DOK4: variants seen among roughly 807,000 people sequenced by gnomAD.
The protein encoded by DOK4 is downstream of tyrosine kinase 4.
A neutral mutation model predicts 40.1 loss-of-function variants in DOK4; 26 were observed. The ratio of observed to expected loss-of-function variants is 0.65; its 90% CI spans 0.48 to 0.90. The LOEUF (loss-of-function observed/expected upper bound fraction) is 0.90, where lower values mean the gene tolerates loss of function less well. DOK4 is among the 40% of genes least tolerant of loss of function. The probability of loss-of-function intolerance (pLI) is 0.00; values close to 1 mark genes in which losing one functional copy is unlikely to be tolerated. For synonymous variants in DOK4, 179 were observed against 177.0 expected (o/e 1.01, Z -0.09); for missense variants, 392 against 437.2 (o/e 0.90, Z 0.92).
exon 9 of DOK4, chr16:57,472,550 G>C (rs1179506604): frequency 6.6e-6 from 1 of 152,638 alleles, no homozygotes; most frequent in Non-Finnish European, 1.5e-5. Context: ...GTCAGTGAGA[G>C]GGGGGCAGCA....
chr16:57,480,911 G>A (rs1267487444), intron 1 of DOK4, among the ~76,000 whole-genome samples: 1 of 152,182 alleles, frequency 6.6e-6, no homozygotes, highest in African/African-American at 2.4e-5. Context: ...AAGGTCCAGG[G>A]TGGTGATGGA....
exon 9 of DOK4, chr16:57,473,206 T>C: frequency 1.0e-6 from 1 of 961,350 alleles, no homozygotes; most frequent in Non-Finnish European, 1.5e-6. Flanking sequence ...TCAGGTGGTG[T>C]GGCCAGCCCT....
intron 1 of DOK4, among the ~76,000 whole-genome samples, chr16:57,481,253 C>A (rs147701389): frequency 2.0e-5 from 3 of 152,142 alleles, no homozygotes; most frequent in African/African-American, 7.2e-5. Context: ...AGTGGGCACA[C>A]GCAAACAAGG....
intron 2 of DOK4, among the ~76,000 whole-genome samples, chr16:57,478,181 C>T (rs2031266809): frequency 6.6e-6 from 1 of 152,228 alleles, no homozygotes; most frequent in African/African-American, 2.4e-5. Flanking sequence ...GCTGATCCCC[C>T]TTTCAGAGGA....
rs753524419 is a variant in DOK4 at position 57,475,131 on chromosome 16, G to A, written c.378C>T (p.Leu126=). ...GTTCACACTGCACCCCTGGGGCCAG[G>A]AGGTCAGGTTCTCCCAGACTGATGT... Residue 126 remains leucine, a synonymous_variant, in exon 5 of 9, where the codon CTC becomes CTT. Transcript: ENST00000340099. 10 of 1,613,872 alleles carry A rather than the reference G, an allele frequency of 6.2e-6. No homozygotes were observed. In the African/African-American group the frequency reaches 1.1e-4, roughly 17 times the overall value.
chr16:57,473,346 C>T (rs1163745765), exon 9 of DOK4: 2 of 1,599,140 alleles, frequency 1.3e-6, no homozygotes, highest in Non-Finnish European at 1.7e-6. Flanking sequence ...AGGCAGCCCC[C>T]AGCAGTCATC....
At chr16:57,482,358 C>CTTTT (rs1437029605) in intron 1 of DOK4, among the ~76,000 whole-genome samples, 7 of 111,834 alleles carry the variant, frequency 6.3e-5, no homozygotes, top group Middle Eastern at 4.9e-3. Flanking sequence ...AGAGATGGGG[C>CTTTT]TTTTGTTTTT....
chr16:57,479,681 C>T lies in DOK4; in HGVS notation c.-174G>A, dbSNP rs545511627. 3.0e-5 allele frequency: 17 copies of T among 567,904 alleles called. No homozygotes were observed. Among genetic ancestry groups the T allele is most frequent in the South Asian group, 2.5e-4 (11 of 43,410 alleles). 35.2% of individuals were successfully genotyped at this position (567,904 alleles called of 1,614,324 possible). On this transcript the variant is annotated 5_prime_UTR_variant, in exon 2 of 9. Coordinates refer to ENST00000340099, the Ensembl canonical transcript of DOK4. The surrounding 1 kb of genome is among the most constrained non-coding windows in gnomAD (Gnocchi z 5.8). The stretch of plus-strand genomic sequence containing the variant: ...CATTGTTCTAGCAGCTCCTTCGCCC[C>T]GCGCCTGCTGGAAATAAAAATGACA...
chr16:57,473,242 G>A, exon 9 of DOK4: 3 of 1,346,136 alleles, frequency 2.2e-6, no homozygotes, highest in Middle Eastern at 2.7e-4. Flanking sequence ...CTCATCCTTG[G>A]GGGCAAGGAG....
intron 4 of DOK4, 132 bp from the exon 5 acceptor site, chr16:57,475,351 A>G (rs2031100455): frequency 6.8e-7 from 1 of 1,476,332 alleles, no homozygotes; most frequent in African/African-American, 1.4e-5. Context: ...TCTTGCCTCA[A>G]CCCTGAGGGC....
At chr16:57,480,846 A>G (rs981060265) in intron 1 of DOK4, among the ~76,000 whole-genome samples, 2 of 152,212 alleles carry the variant, frequency 1.3e-5, no homozygotes, top group Non-Finnish European at 2.9e-5. Context: ...AGAGAGGGTA[A>G]GCTACATGAC....
In DOK4 at chr16:57,479,623, G is replaced by T. The variant is rs576430247; in HGVS notation, c.-116C>A. The stretch of plus-strand genomic sequence containing the variant: ...TTCCAGACACTCTGTCGGGGCTGCC[G>T]CGAGGGGCTGCTCCTCACCTCACCC... On this transcript the variant is annotated 5_prime_UTR_variant, in exon 2 of 9. Transcript: ENST00000340099. The surrounding 1 kb of genome is among the most constrained non-coding windows in gnomAD (Gnocchi z 5.8). The T allele has an allele frequency of 2.7e-4, 289 of 1,082,398 alleles. 1 individual carries two copies. In the Admixed American group the frequency reaches 4.9e-3, roughly 18 times the overall value. 67.0% of individuals were successfully genotyped at this position (1,082,398 alleles called of 1,614,324 possible).
chr16:57,474,476 G>A lies in DOK4; in HGVS notation c.599+317C>T, dbSNP rs530745644. Among the ~76,000 whole-genome samples, 12 of 152,274 alleles carry A rather than the reference G, an allele frequency of 7.9e-5. No individual in the cohort carries two copies. The South Asian group carries it at 2.1e-3, about 26-fold the overall frequency. On this transcript the variant is annotated intron_variant, in intron 6 of 8. Coordinates refer to ENST00000340099, the Ensembl canonical transcript of DOK4. ...TCTTCACTATAATTCTAGGAGGTTA[G>A]GTACTTTATTATCCCCGAAACCCAG...
At chr16:57,481,101 G>A (rs2031394140) in intron 1 of DOK4, among the ~76,000 whole-genome samples, 2 of 152,092 alleles carry the variant, frequency 1.3e-5, no homozygotes, top group Admixed American at 6.5e-5. Flanking sequence ...TGTGCTGCCA[G>A]AACGGGGCCC....
chr16:57,473,819 C>T (rs1378174086), intron 7 of DOK4, 82 bp downstream of exon 7: 1 of 1,595,224 alleles, frequency 6.3e-7, no homozygotes, highest in Non-Finnish European at 8.5e-7. Flanking sequence ...CCTGCCTCCA[C>T]TGTGTACCCC....
exon 9 of DOK4, chr16:57,473,330 C>T (rs223876): frequency 1.2e-5 from 19 of 1,578,096 alleles, no homozygotes; most frequent in South Asian, 2.3e-5. Context: ...CAGCCAGCCC[C>T]GCAGCAGGCA....
rs1260156634 is a variant in DOK4, at chr16:57,479,055, A to T, written c.66+387T>A. On this transcript the variant is annotated intron_variant, in intron 2 of 8. Coordinates refer to ENST00000340099, the Ensembl canonical transcript of DOK4. The surrounding 1 kb of genome is among the most constrained non-coding windows in gnomAD (Gnocchi z 5.8). Reference sequence around the variant, plus strand: ...GGGGTGGGGGGCAAACGGAAGGGAGAGGAGGCCAGGGGAAGTGAGACGCTG... The same window carrying T: ...GGGGTGGGGGGCAAACGGAAGGGAGTGGAGGCCAGGGGAAGTGAGACGCTG... 6.6e-6 allele frequency among the ~76,000 whole-genome samples: 1 copy of T among 152,124 alleles called. No homozygotes were observed. Among genetic ancestry groups the T allele is most frequent in the Non-Finnish European group, 1.5e-5 (1 of 68,024 alleles).
intron 8 of DOK4, 49 bp downstream of exon 8, chr16:57,473,564 C>T: frequency 6.2e-7 from 1 of 1,614,268 alleles, no homozygotes; most frequent in Non-Finnish European, 8.5e-7. Context: ...AGGCCTCATC[C>T]TCCACAAAGC....
In DOK4 at chr16:57,485,328, A is replaced by C. The variant is rs1486573811; in HGVS notation, c.-182+977T>G. 1.6e-4 allele frequency among the ~76,000 whole-genome samples: 25 copies of C among 152,254 alleles called. No homozygotes were observed. The highest frequency in any genetic ancestry group is 5.5e-4 in the African/African-American group (23 of 41,562). The stretch of plus-strand genomic sequence containing the variant: ...GCCCTGCTGCCCTGCCCAGGAGGGA[A>C]GTGCTGGGAGTAACCAGTACCAGCA... On this transcript the variant is annotated intron_variant, in intron 1 of 8. Transcript: ENST00000340099. The surrounding 1 kb of genome is among the most constrained non-coding windows in gnomAD (Gnocchi z 4.3).
Sources: gnomAD v4.1 joint callset for allele counts (sites outside exome capture counted in the v4.1 genomes callset) on GRCh38, gnomAD v4.1.1 for gene constraint, Gnocchi (gnomAD v3.1) non-coding constraint, MANE v1.5 for transcripts, NCBI Gene and HGNC (gene_info 2026-07-23, HGNC 2026-07-21) for gene names.